ZNF721: variants seen among roughly 807,000 people sequenced by gnomAD.
ZNF721 encodes zinc finger protein 721.
ZNF721 carries 2 observed loss-of-function variants against 2.4 expected under a neutral mutation model. The observed-to-expected ratio is 0.82, with a 90% CI of 0.34 to 2.58. The LOEUF (loss-of-function observed/expected upper bound fraction) is 2.58. Among genes scored for constraint, ZNF721 ranks in the 30% most tolerant of loss-of-function variants. ZNF721 has a pLI of 0.11. For missense variants in ZNF721, 1,187 were observed against 1,085.5 expected (o/e 1.09, Z -1.31); for synonymous variants, 398 against 381.8 (o/e 1.04, Z -0.50).
chr4:454,264 C>T (rs569745036), intron 2 of ZNF721, among the ~76,000 whole-genome samples: 1 of 152,322 alleles, frequency 6.6e-6, no homozygotes, highest in Admixed American at 6.5e-5. Flanking sequence ...CATACAAATG[C>T]GCTGGACTCC....
chr4:476,932 G>A (rs1283735738), intron 1 of ZNF721, among the ~76,000 whole-genome samples: 2 of 152,082 alleles, frequency 1.3e-5, no homozygotes, highest in South Asian at 2.1e-4. Flanking sequence ...TCCTAAACAC[G>A]CCACTGAGAG....
intron 1 of ZNF721, among the ~76,000 whole-genome samples, chr4:493,265 A>T (rs946223378): frequency 6.6e-6 from 1 of 152,184 alleles, no homozygotes; most frequent in Non-Finnish European, 1.5e-5. Flanking sequence ...GGCTGAACTA[A>T]CTTTGGGAGG....
In ZNF721 at chr4:442,995, T is replaced by C. The variant is rs1397972675; in HGVS notation, c.1472A>G (p.His491Arg). The C allele has an allele frequency of 3.1e-6, 5 of 1,613,754 alleles. No individual in the cohort carries two copies. The highest frequency in any genetic ancestry group is 1.3e-5 in the African/African-American group (1 of 74,920). ...VITSSSSFAK[H>R]KRIHTGEKPF... ...TTTCTCGCCAGTATGAATCCTCTTATGTTTAGCAAAGCTTGAGGATGAGGT... is the reference window on the plus strand; with the variant it reads ...TTTCTCGCCAGTATGAATCCTCTTACGTTTAGCAAAGCTTGAGGATGAGGT... Residue 491 changes from histidine (H) to arginine (R), a missense_variant, in exon 3 of 3, where the codon CAT becomes CGT. Physicochemically the swap from His to Arg is conservative, Grantham distance 29 (BLOSUM62 0). Coordinates refer to ENST00000511833, the MANE Select transcript of ZNF721 (RefSeq NM_133474.4).
intron 1 of ZNF721, among the ~76,000 whole-genome samples, chr4:488,753 A>C (rs7660501): frequency 0.96 from 145,339 of 152,072 alleles, 69,767 homozygotes; most frequent in East Asian, 1. Context: ...TCACTTGAAC[A>C]CAGTAGGTGG....
chr4:469,348 A>T (rs1030343733), intron 2 of ZNF721, among the ~76,000 whole-genome samples: 89 of 152,188 alleles, frequency 5.8e-4, no homozygotes, highest in African/African-American at 2.0e-3. Flanking sequence ...TAAATTTAAC[A>T]AATGAAATAA....
intron 2 of ZNF721, among the ~76,000 whole-genome samples, chr4:466,740 G>A (rs185840034): frequency 2.0e-5 from 3 of 152,286 alleles, no homozygotes; most frequent in African/African-American, 7.2e-5. Flanking sequence ...CAAAGGCAAT[G>A]GTATTAAATG....
Position 442,803 on chromosome 4 carries a change from T to C in ZNF721, c.1664A>G (p.Lys555Arg). 6.2e-7 allele frequency: 1 copy of C among 1,614,016 alleles called. No homozygotes were observed. Among genetic ancestry groups the C allele is most frequent in the African/African-American group, 1.3e-5 (1 of 75,068 alleles). The change falls in exon 3 of 3, where the codon AAA (lysine) becomes AGA (arginine). Residue 555 changes from lysine (K) to arginine (R), a missense_variant. Physicochemically the swap from Lys to Arg is conservative, Grantham distance 26 (BLOSUM62 2). Coordinates refer to ENST00000511833, the MANE Select transcript of ZNF721 (RefSeq NM_133474.4). The part of the protein sequence containing the change: ...YVHRRIHTGE[K>R]PYTCEECGKT... ...GCCACATTCTTCACATGTGTAGGGTTTCTCTCCAGTATGAATTCTCCTATG... is the reference window on the plus strand; with the variant it reads ...GCCACATTCTTCACATGTGTAGGGTCTCTCTCCAGTATGAATTCTCCTATG...
intron 1 of ZNF721, among the ~76,000 whole-genome samples, chr4:495,543 A>G (rs1716130455): frequency 6.6e-6 from 1 of 150,552 alleles, no homozygotes; most frequent in African/African-American, 2.5e-5. Flanking sequence ...GTGAGATCTC[A>G]GGTGCAGACA....
At position 499,126 on chromosome 4, in the gene ZNF721, T is replaced by G. The variant is rs189794578; in HGVS notation, c.-164A>C. On this transcript the variant is annotated 5_prime_UTR_variant, in exon 1 of 3. Coordinates refer to ENST00000511833, the MANE Select transcript of ZNF721 (RefSeq NM_133474.4). ...CCACGGAGCCGGGAACACCGCCCGC[T>G]GTTCGTATGTCCGAGGTGACGCCCC... is the stretch of plus-strand genomic sequence containing the variant. The G allele has an allele frequency of 3.5e-6, 2 of 578,814 alleles. No homozygotes were observed. Among genetic ancestry groups the G allele is most frequent in the Non-Finnish European group, 5.9e-6 (2 of 337,548 alleles). The allele number at this position is 578,814 out of a possible 1,614,324, so 35.9% of individuals were successfully genotyped here.
intron 1 of ZNF721, among the ~76,000 whole-genome samples, chr4:480,945 T>C (rs1219722884): frequency 6.6e-6 from 1 of 152,036 alleles, no homozygotes; most frequent in Non-Finnish European, 1.5e-5. Context: ...ATTTTTCTGA[T>C]AGCATCTTAC....
intron 2 of ZNF721, among the ~76,000 whole-genome samples, chr4:446,522 A>G (rs1714479203): frequency 1.3e-5 from 2 of 151,518 alleles, no homozygotes; most frequent in Non-Finnish European, 2.9e-5. Flanking sequence ...CTAGAACTAC[A>G]GGTACACACC....
At chr4:452,340 G>A (rs1380372019) in intron 2 of ZNF721, among the ~76,000 whole-genome samples, 1 of 152,140 alleles carries the variant, frequency 6.6e-6, no homozygotes, top group Admixed American at 6.6e-5. Context: ...GAAATACACG[G>A]TAATAGTCCA....
intron 2 of ZNF721, among the ~76,000 whole-genome samples, chr4:462,447 C>T (rs1273151037): frequency 2.0e-5 from 3 of 152,150 alleles, no homozygotes; most frequent in Non-Finnish European, 4.4e-5. Flanking sequence ...ATAGTCAAGA[C>T]AATCCTAAGC....
At chr4:463,121 A>T (rs1345381111) in intron 2 of ZNF721, among the ~76,000 whole-genome samples, 1 of 152,212 alleles carries the variant, frequency 6.6e-6, no homozygotes, top group Non-Finnish European at 1.5e-5. Flanking sequence ...TTCTCAAAAG[A>T]AGACATTTAT....
intron 1 of ZNF721, among the ~76,000 whole-genome samples, chr4:478,749 A>G (rs1576969624): frequency 6.6e-6 from 1 of 151,046 alleles, no homozygotes; most frequent in Non-Finnish European, 1.5e-5. Context: ...TGTTTTGTAC[A>G]TTGTGCAAAG....
chr4:443,485 T>A lies in ZNF721; in HGVS notation c.982A>T (p.Thr328Ser). 1.2e-6 allele frequency: 2 copies of A among 1,613,888 alleles called. No homozygotes were observed. The highest frequency in any genetic ancestry group is 1.7e-6 in the Non-Finnish European group (2 of 1,179,838). ...CCACATGTGTAGGGTTTCTCTCCAG[T>A]ATGAATTCTCCTATGTACATAAAGG... ...ANLYVHRRIH[T>S]GEKPYTCGEC... Residue 328 changes from threonine (T) to serine (S), a missense_variant, in exon 3 of 3, where the codon ACT (threonine) becomes TCT (serine). By Grantham distance (58) the Thr-to-Ser change is moderately conservative. Coordinates refer to ENST00000511833, the MANE Select transcript of ZNF721 (RefSeq NM_133474.4).
chr4:442,560 G>A lies in ZNF721; in HGVS notation c.1907C>T (p.Thr636Ile), dbSNP rs781930176. 2 of 1,613,838 alleles carry A rather than the reference G, an allele frequency of 1.2e-6. No individual in the cohort carries two copies. Among genetic ancestry groups the A allele is most frequent in the Non-Finnish European group, 1.7e-6 (2 of 1,179,870 alleles). ...TDLNQQKKIY[T>I]GEKPYKCEEC... is the part of the protein sequence containing the mutation. Reference sequence around the variant, plus strand: ...TTCACATTTGTAAGGTTTCTCCCCAGTGTAAATTTTCTTCTGTTGATTCAG... The same window carrying A: ...TTCACATTTGTAAGGTTTCTCCCCAATGTAAATTTTCTTCTGTTGATTCAG... Residue 636 changes from threonine to isoleucine, a missense_variant, in exon 3 of 3, where the codon ACT (threonine) becomes ATT (isoleucine). Coordinates refer to ENST00000511833, the MANE Select transcript of ZNF721 (RefSeq NM_133474.4).
In ZNF721 at chr4:487,993, G is replaced by A. The variant is rs114115786; in HGVS notation, c.-94+11063C>T. 8.6e-3 allele frequency among the ~76,000 whole-genome samples: 1,312 copies of A among 152,308 alleles called. 23 individuals are homozygous for A. Among genetic ancestry groups the A allele is most frequent in the African/African-American group, 0.03 (1,247 of 41,548 alleles). On this transcript the variant is annotated intron_variant, in intron 1 of 2. Transcript: ENST00000511833. ...CCAAGCACAGACCATGCCTTCATCT[G>A]CATGGGGTACCAATTCGCCTCAGCC...
chr4:452,862 C>T (rs2108695696), intron 2 of ZNF721, among the ~76,000 whole-genome samples: 1 of 152,266 alleles, frequency 6.6e-6, no homozygotes, highest in South Asian at 2.1e-4. Flanking sequence ...CCAATACTCA[C>T]CAGATAGGGC....
Sources: allele counts gnomAD v4.1 joint callset (sites outside exome capture counted in the v4.1 genomes callset), GRCh38; gene constraint gnomAD v4.1.1; transcripts MANE v1.5; gene names NCBI Gene and HGNC (gene_info 2026-07-23, HGNC 2026-07-21).